ADGRA3: variants seen among roughly 807,000 people sequenced by gnomAD.
ADGRA3 encodes the protein adhesion G protein-coupled receptor A3.
In ADGRA3, 56 loss-of-function variants were observed where a neutral mutation model predicts 119.8. That is an observed-to-expected ratio of 0.47 (90% confidence interval 0.38 to 0.58). The LOEUF (loss-of-function observed/expected upper bound fraction) is 0.58. Among genes scored for constraint, ADGRA3 ranks in the 20% least tolerant of loss-of-function variants. The pLI is 0.00. For synonymous variants in ADGRA3, 607 were observed against 623.8 expected (o/e 0.97, Z 0.40); for missense variants, 1,516 against 1,649.0 (o/e 0.92, Z 1.40).
Position 22,421,099 on chromosome 4 carries a change from T to G in ADGRA3, c.1606-10A>C. 1 of 1,609,406 alleles carries G rather than the reference T, an allele frequency of 6.2e-7. No homozygotes were observed. The highest frequency in any genetic ancestry group is 8.5e-7 in the Non-Finnish European group (1 of 1,176,290). The stretch of plus-strand genomic sequence containing the variant: ...CAATATTGGGTGAATACTTGAAAAG[T>G]CAATCAAACAGGAGTTATGAACGAT... On this transcript the variant is annotated splice_polypyrimidine_tract_variant and intron_variant, in intron 11 of 18. Coordinates refer to ENST00000334304, the MANE Select transcript of ADGRA3 (RefSeq NM_145290.4).
rs1560297809 is a variant in ADGRA3, at chr4:22,401,560, T to TA, written c.2358-7dup. On this transcript the variant is annotated splice_region_variant and splice_polypyrimidine_tract_variant and intron_variant, in intron 15 of 18. Coordinates refer to ENST00000334304, the MANE Select transcript of ADGRA3 (RefSeq NM_145290.4). ...TGAGGCTGATTCTAATCAAACTGTT[T>TA]AAAAAAGAGAGAAAATATTAATATT... 4 of 1,595,002 alleles carry TA rather than the reference T, an allele frequency of 2.5e-6. No homozygotes were observed. Among genetic ancestry groups the TA allele is most frequent in the Admixed American group, 1.7e-5 (1 of 58,552 alleles).
At chr4:22,423,197 C>A (rs2061697) in intron 11 of ADGRA3, among the ~76,000 whole-genome samples, 148,650 of 151,932 alleles carry the variant, frequency 0.98, 72,748 homozygotes, top group Non-Finnish European at 0.99. Flanking sequence ...TCCATCCCCC[C>A]AAAAATAAAT....
intron 1 of ADGRA3, among the ~76,000 whole-genome samples, chr4:22,476,247 C>A (rs1016348354): frequency 6.6e-6 from 1 of 152,016 alleles, no homozygotes; most frequent in Non-Finnish European, 1.5e-5. Context: ...CCAAGCAGCC[C>A]GGCAGAGCAT....
intron 17 of ADGRA3, among the ~76,000 whole-genome samples, chr4:22,392,165 A>G (rs982473077): frequency 2.0e-5 from 3 of 152,218 alleles, no homozygotes; most frequent in Admixed American, 6.5e-5. Flanking sequence ...TGTCCTTTGC[A>G]TAGAATAATT....
intron 1 of ADGRA3, among the ~76,000 whole-genome samples, chr4:22,484,947 G>C (rs1718384672): frequency 6.6e-6 from 1 of 151,628 alleles, no homozygotes; most frequent in Admixed American, 6.6e-5. Context: ...TCTTAATTCT[G>C]CTTCAAAATT....
chr4:22,424,319 T>G lies in ADGRA3; in HGVS notation c.1477A>C (p.Ile493Leu). The change falls in exon 11 of 19, where the codon ATC (isoleucine) becomes CTC (leucine). Residue 493 changes from isoleucine to leucine, a missense_variant. Coordinates refer to ENST00000334304, the MANE Select transcript of ADGRA3 (RefSeq NM_145290.4). Reference sequence around the variant, plus strand: ...AGGACACGTTCATCAGCCAACATGATGTTACTTGCAATGTCAACCATCACG... The same window carrying G: ...AGGACACGTTCATCAGCCAACATGAGGTTACTTGCAATGTCAACCATCACG... ...GDVMVDIASN[I>L]MLADERVLWL... 1 of 1,613,820 alleles carries G rather than the reference T, an allele frequency of 6.2e-7. No homozygotes were observed. The highest frequency in any genetic ancestry group is 1.1e-5 in the South Asian group (1 of 91,040).
Position 22,436,574 on chromosome 4 carries a change from T to C in ADGRA3, c.1153A>G (p.Ile385Val). ...TCATCCTGTGGGTTTCCGGGATATA[T>C]CCCACTGCCATGGGTGTTCCGCGTA... Reference protein sequence around the residue: ...QCTRNTHGSGIYPGNPQDERK... With the variant: ...QCTRNTHGSGVYPGNPQDERK... The change falls in exon 9 of 19, where the codon ATA becomes GTA. Residue 385 changes from isoleucine (I) to valine (V), a missense_variant. Ile to Val is a conservative substitution (Grantham distance 29). Around this residue, in one of 2 missense-constraint regions of ADGRA3, gnomAD observed 428 missense variants for 541.9 expected, o/e 0.79. Transcript: ENST00000334304. 1 of 1,614,064 alleles carries C rather than the reference T, an allele frequency of 6.2e-7. No individual in the cohort carries two copies. Among genetic ancestry groups the C allele is most frequent in the South Asian group, 1.1e-5 (1 of 91,084 alleles).
chr4:22,405,401 T>C (rs1714870568), intron 14 of ADGRA3, among the ~76,000 whole-genome samples: 1 of 151,644 alleles, frequency 6.6e-6, no homozygotes, highest in Non-Finnish European at 1.5e-5. Context: ...AAAACATTAA[T>C]GGGGCATGAT....
intron 1 of ADGRA3, among the ~76,000 whole-genome samples, chr4:22,480,519 C>A (rs1270482406): frequency 6.6e-6 from 1 of 151,614 alleles, no homozygotes; most frequent in Non-Finnish European, 1.5e-5. Flanking sequence ...CACTTAAAAA[C>A]AAACAAAACA....
chr4:22,497,511 C>T (rs1718878700), intron 1 of ADGRA3, among the ~76,000 whole-genome samples: 1 of 152,070 alleles, frequency 6.6e-6, no homozygotes, highest in African/African-American at 2.4e-5. Flanking sequence ...AAAGGGGCAA[C>T]CAGAGTTCAC....
intron 3 of ADGRA3, among the ~76,000 whole-genome samples, chr4:22,459,948 A>C (rs1717381431): frequency 6.6e-6 from 1 of 151,976 alleles, no homozygotes; most frequent in Non-Finnish European, 1.5e-5. Context: ...GGTCTTCAAA[A>C]TCCCAGTCCC....
At chr4:22,398,860 C>T (rs1336623283) in intron 16 of ADGRA3, among the ~76,000 whole-genome samples, 5 of 152,146 alleles carry the variant, frequency 3.3e-5, no homozygotes, top group African/African-American at 1.2e-4. Flanking sequence ...TATCCATGCT[C>T]ATATTCACGT....
chr4:22,434,582 G>A (rs1038193665), intron 10 of ADGRA3, among the ~76,000 whole-genome samples: 3 of 152,138 alleles, frequency 2.0e-5, no homozygotes, highest in African/African-American at 7.2e-5. Context: ...CTTTATAAGT[G>A]ATTATATCAC....
Position 22,388,180 on chromosome 4 carries a change from G to A in ADGRA3, c.3491C>T (p.Thr1164Ile), listed in dbSNP as rs1412596885. 1 of 1,613,882 alleles carries A rather than the reference G, an allele frequency of 6.2e-7. No homozygotes were observed. Residue 1164 changes from threonine to isoleucine, a missense_variant, in exon 19 of 19, where the codon ACA becomes ATA. Around this residue, in one of 2 missense-constraint regions of ADGRA3, gnomAD observed 1,088 missense variants for 1,107.1 expected, o/e 0.98. Transcript: ENST00000334304. ...HVAPLEVQFR[T>I]NVHSSRHHKN... ...ATGGTGGCGGCTTGAGTGCACATTT[G>A]TTCGAAACTGAACTTCTAAAGGCGC...
chr4:22,417,963 G>A (rs1386406998), intron 12 of ADGRA3, among the ~76,000 whole-genome samples: 3 of 152,144 alleles, frequency 2.0e-5, no homozygotes, highest in African/African-American at 4.8e-5. Context: ...TTCTAGTCAG[G>A]TGAAGTATAA....
intron 7 of ADGRA3, 65 bp from the exon 8 acceptor site, chr4:22,438,485 G>A: frequency 1.6e-6 from 2 of 1,248,224 alleles, no homozygotes; most frequent in Non-Finnish European, 2.2e-6. Context: ...ACAATAATGG[G>A]TCTCAATCAT....
chr4:22,475,390 T>C (rs1483535287), intron 1 of ADGRA3, among the ~76,000 whole-genome samples: 1 of 152,162 alleles, frequency 6.6e-6, no homozygotes, highest in Non-Finnish European at 1.5e-5. Context: ...ACATGGTATG[T>C]TATCACTCCC....
chr4:22,473,889 A>C (rs767987115), intron 1 of ADGRA3, 46 bp from the exon 2 acceptor site: 2 of 1,100,668 alleles, frequency 1.8e-6, no homozygotes, highest in African/African-American at 3.1e-5. Flanking sequence ...ATACACTACC[A>C]ATATCAAAGT....
At chr4:22,499,575 C>T (rs561839915) in intron 1 of ADGRA3, among the ~76,000 whole-genome samples, 1 of 152,298 alleles carries the variant, frequency 6.6e-6, no homozygotes, top group Non-Finnish European at 1.5e-5. Context: ...ATTCATGTCA[C>T]TTCAGATGGA....
Sources: allele counts gnomAD v4.1 joint callset (sites outside exome capture counted in the v4.1 genomes callset), GRCh38; gene constraint gnomAD v4.1.1; regional missense constraint gnomAD v4.1.1; transcripts MANE v1.5; gene names NCBI Gene and HGNC (gene_info 2026-07-23, HGNC 2026-07-21).